CCDC178: variants seen among roughly 807,000 people sequenced by gnomAD.
CCDC178 encodes the protein coiled-coil domain containing 178, also known as coiled-coil domain-containing protein 178.
A neutral mutation model predicts 117.4 loss-of-function variants in CCDC178; 126 were observed. That is an observed-to-expected ratio of 1.07 (90% CI 0.93 to 1.24). CCDC178 has a LOEUF of 1.24. Ranked by LOEUF, CCDC178 falls within the 50% of genes most tolerant of loss-of-function variation. The pLI is 0.00. For missense variants in CCDC178, 1,030 were observed against 986.9 expected (o/e 1.04, Z -0.59); for synonymous variants, 283 against 313.4 (o/e 0.90, Z 1.02).
chr18:33,426,031 T>C (rs1052872869), intron 2 of CCDC178, among the ~76,000 whole-genome samples: 5 of 152,212 alleles, frequency 3.3e-5, no homozygotes, highest in African/African-American at 9.7e-5. Context: ...GCAAAGATTA[T>C]ATCACTAGAA....
chr18:33,121,771 G>A (rs1316800740), intron 20 of CCDC178, among the ~76,000 whole-genome samples: 1 of 152,098 alleles, frequency 6.6e-6, no homozygotes, highest in Non-Finnish European at 1.5e-5. Flanking sequence ...TCACTGCAGA[G>A]TTGTGAGCAT....
intron 21 of CCDC178, among the ~76,000 whole-genome samples, chr18:33,073,968 G>A (rs954216287): frequency 7.2e-5 from 11 of 152,010 alleles, no homozygotes; most frequent in African/African-American, 2.7e-4. Context: ...AATATATACA[G>A]CTCGAAGCAT....
chr18:33,366,879 T>C (rs1173010914), intron 6 of CCDC178, among the ~76,000 whole-genome samples: 1 of 152,040 alleles, frequency 6.6e-6, no homozygotes, highest in Non-Finnish European at 1.5e-5. Context: ...CACATATATG[T>C]ATATACAGAT....
At chr18:32,946,941 G>A (rs1054702153) in intron 22 of CCDC178, among the ~76,000 whole-genome samples, 3 of 151,704 alleles carry the variant, frequency 2.0e-5, no homozygotes, top group Non-Finnish European at 2.9e-5. Flanking sequence ...CACCACGCCC[G>A]GCTAATTTTT....
intron 21 of CCDC178, among the ~76,000 whole-genome samples, chr18:33,005,156 T>C (rs887251618): frequency 2.0e-5 from 3 of 152,088 alleles, no homozygotes; most frequent in African/African-American, 7.2e-5. Context: ...TGAAGAGATA[T>C]CTGCACTCTC....
chr18:33,248,640 T>C (rs112409197), intron 14 of CCDC178, among the ~76,000 whole-genome samples: 10,234 of 151,916 alleles, frequency 0.067, 513 homozygotes, highest in African/African-American at 0.14. Context: ...TGTATATGTG[T>C]CACATTTTCT....
Position 32,975,516 on chromosome 18 carries a change from T to C in CCDC178, c.2389-835A>G, listed in dbSNP as rs1568192199. On this transcript the variant is annotated intron_variant, in intron 21 of 22. Coordinates refer to ENST00000383096, the MANE Select transcript of CCDC178 (RefSeq NM_001105528.4). ...GTAGGCACGCCATACAGAATTATTA[T>C]AATAAGGCATTTTCAAAGGGATAAA... Among the ~76,000 whole-genome samples, 4 of 152,300 alleles carry C rather than the reference T, an allele frequency of 2.6e-5. No individual in the cohort carries two copies. The South Asian group carries it at 8.3e-4, about 32-fold the overall frequency.
intron 20 of CCDC178, among the ~76,000 whole-genome samples, chr18:33,158,415 T>C (rs1424599255): frequency 6.6e-6 from 1 of 152,140 alleles, no homozygotes; most frequent in African/African-American, 2.4e-5. Flanking sequence ...CATAGAATTA[T>C]CTAAAAATTA....
chr18:33,293,128 G>A (rs2062057294), intron 12 of CCDC178, 31 bp downstream of exon 12: 3 of 1,422,564 alleles, frequency 2.1e-6, no homozygotes, highest in Middle Eastern at 4.2e-4. Context: ...ACAAAAATCA[G>A]TATTTTTTAT....
intron 20 of CCDC178, among the ~76,000 whole-genome samples, chr18:33,131,914 T>G (rs1453533882): frequency 6.6e-6 from 1 of 151,754 alleles, no homozygotes; most frequent in Non-Finnish European, 1.5e-5. Context: ...CAAAACAGAA[T>G]TATAAAATAC....
intron 21 of CCDC178, among the ~76,000 whole-genome samples, chr18:33,087,658 T>TC (rs549117995): frequency 3.8e-4 from 58 of 151,980 alleles, no homozygotes; most frequent in Middle Eastern, 3.4e-3. Context: ...ACTGATAGGG[T>TC]CTTCAAATAG....
At chr18:33,270,347 T>G (rs1470170717) in intron 12 of CCDC178, among the ~76,000 whole-genome samples, 2 of 151,482 alleles carry the variant, frequency 1.3e-5, no homozygotes, top group Non-Finnish European at 3.0e-5. Context: ...GGCTGAAAAC[T>G]TGCAAAATTT....
intron 20 of CCDC178, among the ~76,000 whole-genome samples, chr18:33,157,939 G>A (rs938636596): frequency 1.3e-5 from 2 of 152,128 alleles, no homozygotes; most frequent in African/African-American, 4.8e-5. Flanking sequence ...ACCTCTTACA[G>A]CTTTTTAAAA....
chr18:33,062,519 G>T (rs762581305), intron 21 of CCDC178, among the ~76,000 whole-genome samples: 10 of 152,162 alleles, frequency 6.6e-5, no homozygotes, highest in Non-Finnish European at 1.5e-4. Context: ...AGCCAACCTG[G>T]CTGGAATTGA....
chr18:33,082,880 T>C (rs1489319718), intron 21 of CCDC178, among the ~76,000 whole-genome samples: 1 of 152,076 alleles, frequency 6.6e-6, no homozygotes, highest in Non-Finnish European at 1.5e-5. Flanking sequence ...TCTTTCTTAA[T>C]ACAAGGTAAT....
intron 20 of CCDC178, among the ~76,000 whole-genome samples, chr18:33,166,755 C>T (rs747964142): frequency 1.3e-5 from 2 of 152,122 alleles, no homozygotes; most frequent in African/African-American, 2.4e-5. Context: ...CTGACTTTTA[C>T]GTAAAAATTC....
intron 7 of CCDC178, among the ~76,000 whole-genome samples, chr18:33,354,062 T>A (rs1364391810): frequency 2.0e-5 from 3 of 152,190 alleles, no homozygotes; most frequent in Non-Finnish European, 4.4e-5. Context: ...TCGGAATTCT[T>A]CATTGACAGT....
intron 20 of CCDC178, among the ~76,000 whole-genome samples, chr18:33,171,360 T>C (rs531894330): frequency 6.6e-5 from 10 of 152,206 alleles, no homozygotes; most frequent in Non-Finnish European, 1.5e-4. Flanking sequence ...GGTCCTAAAG[T>C]AGGTATTGTG....
intron 5 of CCDC178, among the ~76,000 whole-genome samples, chr18:33,377,370 A>C (rs1419250725): frequency 7.6e-6 from 1 of 130,948 alleles, no homozygotes; most frequent in Non-Finnish European, 1.7e-5. Flanking sequence ...TAGTTTGTGA[A>C]TATTTTCTCC....
Sources: allele counts gnomAD v4.1 joint callset (sites outside exome capture counted in the v4.1 genomes callset), GRCh38; gene constraint gnomAD v4.1.1; transcripts MANE v1.5; gene names NCBI Gene and HGNC (gene_info 2026-07-23, HGNC 2026-07-21).